The following ABCA7 variants were observed in gnomAD, a reference collection of about 807,000 sequenced individuals.
ABCA7 encodes the protein phospholipid-transporting ATPase ABCA7.
In ABCA7, 261 loss-of-function variants were observed where a neutral mutation model predicts 227.6. The ratio of observed to expected loss-of-function variants is 1.15; its 90% CI spans 1.04 to 1.27. ABCA7 has a LOEUF of 1.27. ABCA7 is among the 50% of genes most tolerant of loss of function. The probability of loss-of-function intolerance (pLI) is 0.00; values close to 1 mark genes in which losing one functional copy is unlikely to be tolerated. For missense variants in ABCA7, 3,331 were observed against 2,924.5 expected, an observed-to-expected ratio of 1.14 and a Z score of -3.21; for synonymous variants, 1,488 against 1,279.7, an observed-to-expected ratio of 1.16 and a Z score of -3.47.
At position 1,052,247 on chromosome 19, in the gene ABCA7, A is replaced by ACATGGAG; in HGVS notation, c.3181_3182insCATGGAG (p.Arg1061ThrfsTer52). 6.4e-7 allele frequency: 1 copy of ACATGGAG among 1,556,500 alleles called. No homozygotes were observed. The highest frequency in any genetic ancestry group is 2.0e-5 in the Admixed American group (1 of 51,058). ...TGACATGGAGGGCAGTGTGGACACC[A>ACATGGAG]GGCAGGAAAAGAAGAATGGCAGCCA... On this transcript the variant is annotated frameshift_variant, in exon 23 of 47. Transcript: ENST00000263094. LOFTEE classifies it high-confidence loss of function.
Position 1,048,875 on chromosome 19 carries a change from A to G in ABCA7, c.2270-20A>G. 1.3e-6 allele frequency: 2 copies of G among 1,493,620 alleles called. 1 individual carries two copies. Among genetic ancestry groups the G allele is most frequent in the South Asian group, 2.4e-5 (2 of 82,816 alleles). 92.5% of individuals were successfully genotyped at this position (1,493,620 alleles called of 1,614,324 possible). ...CTCCTGGGGGGTGGGCTAAGCAATAACCCGCGCCCCTCCCCGCAGGCCAGT... is the reference window on the plus strand; with the variant it reads ...CTCCTGGGGGGTGGGCTAAGCAATAGCCCGCGCCCCTCCCCGCAGGCCAGT... On this transcript the variant is annotated intron_variant, in intron 16 of 46. Coordinates refer to ENST00000263094, the MANE Select transcript of ABCA7 (RefSeq NM_019112.4).
rs137894448 is a variant in ABCA7, at chr19:1,043,690, G to A, written c.931-35G>A. 5.2e-4 allele frequency: 842 copies of A among 1,604,840 alleles called. 1 individual carries two copies. Among genetic ancestry groups the A allele is most frequent in the Non-Finnish European group, 6.6e-4 (778 of 1,175,158 alleles). On this transcript the variant is annotated intron_variant, in intron 9 of 46. Transcript: ENST00000263094. ...GGGTGGGCAGGGGTCCTCAGAGGAG[G>A]AGAGGGTCATCAGTGGAGGGGGTGC...
In ABCA7 at chr19:1,042,134, C is replaced by G; in HGVS notation, c.373C>G (p.Leu125Val). The G allele has an allele frequency of 6.3e-7, 1 of 1,599,610 alleles. No individual in the cohort carries two copies. Residue 125 changes from leucine (L) to valine (V), a missense_variant, in exon 5 of 47, where the codon CTA becomes GTA. Coordinates refer to ENST00000263094, the MANE Select transcript of ABCA7 (RefSeq NM_019112.4). ...GASAHRTLAG[L>V]GKLIATLRAA... ...CAGTGCCCACAGGACGCTGGCTGGC[C>G]TAGGGAAGCTGATCGCCACGCTGAG...
chr19:1,062,190 T>C lies in ABCA7; in HGVS notation c.5589T>C (p.Ser1863=). Reference sequence around the variant, plus strand: ...TCCCCAGCGTGGCCCGGGAACCCAGTGCTGCGCACCTCAGCATGGGATACT... The same window carrying C: ...TCCCCAGCGTGGCCCGGGAACCCAGCGCTGCGCACCTCAGCATGGGATACT... ...LAGHSVAREP[S]AAHLSMGYCP... Residue 1863 remains serine (S), a synonymous_variant, in exon 42 of 47, where the codon AGT becomes AGC. Coordinates refer to ENST00000263094, the MANE Select transcript of ABCA7 (RefSeq NM_019112.4). 3 of 1,612,316 alleles carry C rather than the reference T, an allele frequency of 1.9e-6. No individual in the cohort carries two copies. The highest frequency in any genetic ancestry group is 3.3e-4 in the Middle Eastern group (2 of 6,056).
chr19:1,057,637 G>C (rs1174892328), intron 35 of ABCA7, among the ~76,000 whole-genome samples: 1 of 152,144 alleles, frequency 6.6e-6, no homozygotes, highest in Non-Finnish European at 1.5e-5. Flanking sequence ...TTCTAAGGCA[G>C]CCCATGCCTG....
chr19:1,045,269 G>T, intron 12 of ABCA7, 38 bp downstream of exon 12: 1 of 1,502,508 alleles, frequency 6.7e-7, no homozygotes, highest in South Asian at 1.2e-5. Context: ...GAGGGACTGG[G>T]CGGGGCCAAG....
Position 1,053,448 on chromosome 19 carries a change from G to A in ABCA7, c.3340G>A (p.Ala1114Thr), listed in dbSNP as rs767711531. 2.2e-5 allele frequency: 35 copies of A among 1,601,976 alleles called. No homozygotes were observed. The highest frequency in any genetic ancestry group is 3.4e-4 in the Middle Eastern group (2 of 5,892). ...CACGGGTGCCCATGACGGCAGCTTCGCCACACTCTTCCGAGAGCTAGACAC... is the reference window on the plus strand; with the variant it reads ...CACGGGTGCCCATGACGGCAGCTTCACCACACTCTTCCGAGAGCTAGACAC... ...PYTGAHDGSF[A>T]TLFRELDTRL... The change falls in exon 24 of 47, where the codon GCC becomes ACC. Residue 1114 changes from alanine to threonine, a missense_variant. By Grantham distance (58) the Ala-to-Thr change is moderately conservative. Coordinates refer to ENST00000263094, the MANE Select transcript of ABCA7 (RefSeq NM_019112.4).
In ABCA7 at chr19:1,053,847, A is replaced by G. The variant is rs762819843; in HGVS notation, c.3472+11A>G. 6.2e-7 allele frequency: 1 copy of G among 1,608,810 alleles called. No individual in the cohort carries two copies. The highest frequency in any genetic ancestry group is 1.1e-5 in the South Asian group (1 of 90,782). ...ACACAGATATGGAGGGTGCGGCCAC[A>G]GCTCCCTGACCCCTGACCCCAGTCC... is the stretch of plus-strand genomic sequence containing the variant. On this transcript the variant is annotated intron_variant, in intron 25 of 46. Transcript: ENST00000263094.
intron 34 of ABCA7, 90 bp downstream of exon 34, chr19:1,057,174 G>A: frequency 6.4e-7 from 1 of 1,554,738 alleles, no homozygotes; most frequent in South Asian, 1.2e-5. Flanking sequence ...GTCCAAGATG[G>A]CCTGGGTAAA....
rs994534851 is a variant in ABCA7, at chr19:1,048,828, A to C, written c.2270-67A>C. On this transcript the variant is annotated intron_variant, in intron 16 of 46. Coordinates refer to ENST00000263094, the MANE Select transcript of ABCA7 (RefSeq NM_019112.4). ...CGTCTCAAAAAAAAAAAAAAACAAA[A>C]CCCCAAAAAAAGCCTGGTACACTCC... 1.0e-4 allele frequency: 96 copies of C among 915,334 alleles called. 1 individual carries two copies. Among genetic ancestry groups the C allele is most frequent in the African/African-American group, 1.5e-4 (8 of 55,140 alleles). The allele number at this position is 915,334 out of a possible 1,614,324, so 56.7% of individuals were successfully genotyped here. A position where few individuals can be genotyped will look rare whatever the true frequency, so the allele number is the denominator to read the frequency against.
At chr19:1,052,416 G>A (rs1599652198) in intron 23 of ABCA7, 130 bp downstream of exon 23, 1 of 342,328 alleles carries the variant, frequency 2.9e-6, no homozygotes, top group Non-Finnish European at 4.7e-6. Context: ...TGAGGCGGAG[G>A]AGGAGGGGGA....
At position 1,052,041 on chromosome 19, in the gene ABCA7, C is replaced by T. The variant is rs749350210; in HGVS notation, c.3062C>T (p.Ser1021Phe). The T allele has an allele frequency of 2.5e-6, 4 of 1,612,226 alleles. No individual in the cohort carries two copies. The South Asian group carries it at 3.3e-5, about 13-fold the overall frequency. Residue 1021 changes from serine (S) to phenylalanine (F), a missense_variant, in exon 22 of 47, where the codon TCC (serine) becomes TTC (phenylalanine). By Grantham distance (155) the Ser-to-Phe change is radical. Coordinates refer to ENST00000263094, the MANE Select transcript of ABCA7 (RefSeq NM_019112.4). Reference sequence around the variant, plus strand: ...GGTGGCCGCTTGTGCTGCTGTGGCTCCCCACTCTTCCTGCGCCGTCACCTG... The same window carrying T: ...GGTGGCCGCTTGTGCTGCTGTGGCTTCCCACTCTTCCTGCGCCGTCACCTG... ...VAGGRLCCCG[S>F]PLFLRRHLGS...
rs767322746 is a variant in ABCA7 at position 1,050,985 on chromosome 19, C to T, written c.2617C>T (p.Arg873Cys). The T allele has an allele frequency of 1.1e-5, 18 of 1,612,236 alleles. No homozygotes were observed. Among genetic ancestry groups the T allele is most frequent in the South Asian group, 7.7e-5 (7 of 91,008 alleles). Residue 873 changes from arginine to cysteine, a missense_variant, in exon 19 of 47, where the codon CGC becomes TGC. Transcript: ENST00000263094. ...TGCCTTCATCCTGGGCCACGACGTCCGCTCCAGCATGGCCGCCATCCGGCC... is the reference window on the plus strand; with the variant it reads ...TGCCTTCATCCTGGGCCACGACGTCTGCTCCAGCATGGCCGCCATCCGGCC... ...GSAFILGHDV[R>C]SSMAAIRPHL...
rs1475971024 is a variant in ABCA7, at chr19:1,056,922, G to C, written c.4602G>C (p.Val1534=). Residue 1534 remains valine, a synonymous_variant, in exon 34 of 47, where the codon GTG becomes GTC. Transcript: ENST00000263094. This position sits in a 1 kb window ranked among gnomAD's most constrained non-coding sequence, Gnocchi z 4.3. ...LSEGALMASS[V]DVLVSICVVF... ...TCACCTCCAGGATGGCCTCCTCGGT[G>C]GACGTCCTCGTCTCCATCTGTGTGG... The C allele has an allele frequency of 1.9e-6, 3 of 1,613,590 alleles. No homozygotes were observed. The African/African-American group carries it at 4.0e-5, about 22-fold the overall frequency.
In ABCA7 at chr19:1,057,926, C is replaced by T; in HGVS notation, c.4892C>T (p.Thr1631Ile). Residue 1631 changes from threonine (T) to isoleucine (I), a missense_variant, in exon 36 of 47, where the codon ACA becomes ATA. Coordinates refer to ENST00000263094, the MANE Select transcript of ABCA7 (RefSeq NM_019112.4). ...TATTGTCCCTTCAGCTGGTCGATCACACCGCTCATGTACCCAGCCTCCTTC... is the reference window on the plus strand; with the variant it reads ...TATTGTCCCTTCAGCTGGTCGATCATACCGCTCATGTACCCAGCCTCCTTC... ...LLLLLYGWSI[T>I]PLMYPASFFF... The T allele has an allele frequency of 1.9e-6, 3 of 1,614,088 alleles. No homozygotes were observed. The highest frequency in any genetic ancestry group is 2.5e-6 in the Non-Finnish European group (3 of 1,180,036).
In ABCA7 at chr19:1,043,234, T is replaced by G. The variant is rs777140077; in HGVS notation, c.773T>G (p.Leu258Arg). The change falls in exon 8 of 47, where the codon CTG (leucine) becomes CGG (arginine). Residue 258 changes from leucine to arginine, a missense_variant. Physicochemically the swap from Leu to Arg is moderately radical, Grantham distance 102 (BLOSUM62 -2). Transcript: ENST00000263094. The stretch of plus-strand genomic sequence containing the variant: ...GTGGGGCAGGAGCCAGAATCCGCCC[T>G]GCCAGACAGCAGCCTGAGTGAGTGA... ...ELVGQEPESA[L>R]PDSSLSPACS... The G allele has an allele frequency of 6.2e-7, 1 of 1,607,456 alleles. No individual in the cohort carries two copies. The highest frequency in any genetic ancestry group is 8.5e-7 in the Non-Finnish European group (1 of 1,175,646).
At chr19:1,048,824 CA>C (rs2041037258) in intron 16 of ABCA7, 70 bp from the exon 17 acceptor site, 2 of 587,390 alleles carry the variant, frequency 3.4e-6, no homozygotes, top group African/African-American at 7.8e-5. Flanking sequence ...AAAAAAAAAA[CA>C]AAACCCCAAA....
chr19:1,042,426 C>A, intron 6 of ABCA7, 29 bp downstream of exon 6: 3 of 1,610,046 alleles, frequency 1.9e-6, no homozygotes, highest in Non-Finnish European at 2.5e-6. Context: ...ACCGCGCTGA[C>A]TTCCTGGGAC....
Position 1,054,539 on chromosome 19 carries a change from G to A in ABCA7, c.3727-31G>A. 2.5e-6 allele frequency: 4 copies of A among 1,598,542 alleles called. No individual in the cohort carries two copies. The highest frequency in any genetic ancestry group is 3.4e-6 in the Non-Finnish European group (4 of 1,170,792). On this transcript the variant is annotated intron_variant, in intron 27 of 46. Transcript: ENST00000263094. This position sits in a 1 kb window ranked among gnomAD's most constrained non-coding sequence, Gnocchi z 4.8. ...GTGCAAGCAAGCCTGGAGGGTGGAT[G>A]GAAGCAGCAGCTGATGGGCTGGTCC...
Sources: allele counts gnomAD v4.1 joint callset (sites outside exome capture counted in the v4.1 genomes callset), GRCh38; gene constraint gnomAD v4.1.1; non-coding constraint Gnocchi (gnomAD v3.1); transcripts MANE v1.5; gene names NCBI Gene and HGNC (gene_info 2026-07-23, HGNC 2026-07-21).